Variants in RGL1 observed in about 807,000 individuals in gnomAD.
The protein encoded by RGL1 is ral guanine nucleotide dissociation stimulator-like 1.
Under a neutral mutation model 95.2 loss-of-function variants are expected in RGL1, and 24 were observed. The ratio of observed to expected loss-of-function variants is 0.25; its 90% confidence interval spans 0.18 to 0.35. RGL1 has a LOEUF of 0.35. Ranked by LOEUF, RGL1 falls within the 10% of genes least tolerant of loss-of-function variation. The pLI, the probability that RGL1 is intolerant of heterozygous loss-of-function variation, is 1.00. For synonymous variants in RGL1, 329 were observed against 344.9 expected (o/e 0.95, Z 0.51); for missense variants, 715 against 936.3 (o/e 0.76, Z 3.08).
At chr1:183,641,738 A>G (rs1351573055) in intron 1 of RGL1, among the ~76,000 whole-genome samples, 1 of 152,140 alleles carries the variant, frequency 6.6e-6, no homozygotes, top group Non-Finnish European at 1.5e-5. Flanking sequence ...TTATCATGCT[A>G]TTTGGTTTTT....
chr1:183,706,568 C>T (rs978014529), intron 1 of RGL1, among the ~76,000 whole-genome samples: 1 of 152,128 alleles, frequency 6.6e-6, no homozygotes, highest in African/African-American at 2.4e-5. Context: ...GTCTGACTTC[C>T]AGTTGGGTCC....
Position 183,696,467 on chromosome 1 carries a change from G to A in RGL1, c.-32-45659G>A, listed in dbSNP as rs111273232. On this transcript the variant is annotated intron_variant, in intron 1 of 18. Coordinates refer to the RGL1 transcript ENST00000304685. ...CATCACATACAATGGGTGCCTTAGG[G>A]CTTTGTCTTAATGTTTCTTCACATA... Among the ~76,000 whole-genome samples the A allele has an allele frequency of 6.7e-3, 1,021 of 152,180 alleles. 11 individuals are homozygous for A. The highest frequency in any genetic ancestry group is 0.02 in the African/African-American group (837 of 41,528).
At chr1:183,829,998 A>C (rs372552282) in intron 2 of RGL1, among the ~76,000 whole-genome samples, 1 of 152,090 alleles carries the variant, frequency 6.6e-6, no homozygotes, top group African/African-American at 2.4e-5. Context: ...CTTCATGAGG[A>C]TAGGGAGTGT....
intron 9 of RGL1, 46 bp downstream of exon 9, chr1:183,892,207 G>A (rs1275854402): frequency 2.2e-6 from 3 of 1,354,830 alleles, no homozygotes; most frequent in Non-Finnish European, 2.1e-6. Flanking sequence ...TAATAGCTCT[G>A]GAATCCATTC....
chr1:183,922,274 A>G lies in RGL1; in HGVS notation c.2057A>G (p.His686Arg). Residue 686 changes from histidine (H) to arginine (R), a missense_variant, in exon 17 of 18, where the codon CAC becomes CGC. His to Arg is a conservative substitution (Grantham distance 29). Around this residue, in one of 3 missense-constraint regions of RGL1, gnomAD observed 330 missense variants for 429.6 expected, o/e 0.77. Coordinates refer to ENST00000360851, the MANE Select transcript of RGL1 (RefSeq NM_001297671.3). ...GTGATCCAGAGAGCCATGCTGAAGC[A>G]CAATCTGGACTCAGACCCCGCCGAG... ...PAVIQRAMLKHNLDSDPAEEY... is the reference protein window; with the variant it reads ...PAVIQRAMLKRNLDSDPAEEY... 1 of 1,614,166 alleles carries G rather than the reference A, an allele frequency of 6.2e-7. No homozygotes were observed. The highest frequency in any genetic ancestry group is 8.5e-7 in the Non-Finnish European group (1 of 1,180,020).
At position 183,926,989 on chromosome 1, in the gene RGL1, C is replaced by A. The variant is rs887245041; in HGVS notation, c.*697C>A. ...GCCAGGAGGAGCTTCGGAGGACCAT[C>A]GCCCCACTGGTCTAGCCATCATGAC... is the stretch of plus-strand genomic sequence containing the variant. On this transcript the variant is annotated 3_prime_UTR_variant, in exon 18 of 18. Coordinates refer to ENST00000360851, the MANE Select transcript of RGL1 (RefSeq NM_001297671.3). 6.6e-6 allele frequency: 1 copy of A among 152,614 alleles called. No homozygotes were observed. 9.5% of individuals were successfully genotyped at this position (152,614 alleles called of 1,614,324 possible).
chr1:183,846,541 TA>T (rs888979625), intron 2 of RGL1, among the ~76,000 whole-genome samples: 5 of 149,734 alleles, frequency 3.3e-5, no homozygotes, highest in African/African-American at 4.9e-5. Context: ...GTATAATTTT[TA>T]AAAAAAAAAA....
upstream of RGL1, chr1:183,805,101 C>T: frequency 1.9e-6 from 1 of 537,708 alleles, no homozygotes; most frequent in Non-Finnish European, 2.9e-6. Context: ...CTTGCTCGCT[C>T]GCTCGCCGCG....
At chr1:183,774,722 C>T (rs1269896099) in intron 2 of RGL1, among the ~76,000 whole-genome samples, 1 of 151,908 alleles carries the variant, frequency 6.6e-6, no homozygotes, top group African/African-American at 2.4e-5. Flanking sequence ...AGTACAGGCG[C>T]ATGCCACCAT....
chr1:183,916,412 ATC>A, intron 15 of RGL1, 33 bp from the exon 16 acceptor site: 1 of 1,608,538 alleles, frequency 6.2e-7, no homozygotes. Context: ...CAGCGTTCTA[ATC>A]TGTTTTCTTC....
intron 3 of RGL1, among the ~76,000 whole-genome samples, chr1:183,855,832 TG>T (rs1189375556): frequency 1.3e-5 from 2 of 152,374 alleles, no homozygotes; most frequent in South Asian, 2.1e-4. Flanking sequence ...CTAAACTTTT[TG>T]TTCTGAGTTA....
intron 1 of RGL1, among the ~76,000 whole-genome samples, chr1:183,673,711 C>T (rs1652633738): frequency 6.6e-6 from 1 of 152,206 alleles, no homozygotes; most frequent in Non-Finnish European, 1.5e-5. Flanking sequence ...TTACATCACA[C>T]TATTGCTAGA....
intron 1 of RGL1, among the ~76,000 whole-genome samples, chr1:183,664,338 C>T (rs528491470): frequency 5.3e-5 from 8 of 152,092 alleles, no homozygotes; most frequent in African/African-American, 1.9e-4. Context: ...CAACTTAATT[C>T]ATTTTGTGTT....
At chr1:183,886,296 C>T (rs1382155982) in intron 7 of RGL1, among the ~76,000 whole-genome samples, 1 of 152,130 alleles carries the variant, frequency 6.6e-6, no homozygotes, top group Non-Finnish European at 1.5e-5. Context: ...TCTATTTCTC[C>T]TATTCTAAAT....
At chr1:183,838,162 A>G (rs1291490570) in intron 2 of RGL1, among the ~76,000 whole-genome samples, 1 of 152,194 alleles carries the variant, frequency 6.6e-6, no homozygotes, top group Non-Finnish European at 1.5e-5. Flanking sequence ...TCCACTTAAT[A>G]TTTAAATTTG....
intron 1 of RGL1, among the ~76,000 whole-genome samples, chr1:183,641,556 C>G (rs1036784647): frequency 2.3e-5 from 3 of 132,394 alleles, no homozygotes; most frequent in African/African-American, 1.0e-4. Flanking sequence ...AGGCATGAGC[C>G]CCCCCCACCA....
intron 1 of RGL1, chr1:183,742,048 G>A (rs1024698581): frequency 8.5e-7 from 1 of 1,180,034 alleles, no homozygotes; most frequent in Non-Finnish European, 1.2e-6. Context: ...CAGAAGTCAA[G>A]CATGATAATT....
intron 17 of RGL1, among the ~76,000 whole-genome samples, chr1:183,925,422 A>G (rs1643244350): frequency 6.6e-6 from 1 of 152,234 alleles, no homozygotes; most frequent in Non-Finnish European, 1.5e-5. Flanking sequence ...TGATAGGTGC[A>G]GCACATGTAT....
chr1:183,743,757 C>T (rs1379720650), intron 2 of RGL1, among the ~76,000 whole-genome samples: 1 of 139,750 alleles, frequency 7.2e-6, no homozygotes, highest in Non-Finnish European at 1.6e-5. Flanking sequence ...AAAGTTGATT[C>T]CTAAGGATGG....
Sources: gnomAD v4.1 joint callset for allele counts (sites outside exome capture counted in the v4.1 genomes callset) on GRCh38, gnomAD v4.1.1 for gene constraint, gnomAD v4.1.1 regional missense constraint, MANE v1.5 for transcripts, NCBI Gene and HGNC (gene_info 2026-07-23, HGNC 2026-07-21) for gene names.